Variants in PTPDC1 observed in about 807,000 individuals in gnomAD.
PTPDC1 encodes protein tyrosine phosphatase domain containing 1, also known as protein tyrosine phosphatase domain-containing protein 1.
Under a neutral mutation model 75.3 loss-of-function variants are expected in PTPDC1, and 53 were observed. The ratio of observed to expected loss-of-function variants is 0.70; its 90% CI spans 0.56 to 0.88. The LOEUF (loss-of-function observed/expected upper bound fraction) is 0.88. PTPDC1 is among the 40% of genes least tolerant of loss of function. PTPDC1 has a pLI of 0.00. For synonymous variants in PTPDC1, 349 were observed against 366.2 expected, an observed-to-expected ratio of 0.95 and a Z score of 0.54; for missense variants, 925 against 998.6, an observed-to-expected ratio of 0.93 and a Z score of 0.99.
At chr9:94,104,749 T>A (rs1166788468) in intron 8 of PTPDC1, among the ~76,000 whole-genome samples, 1 of 152,186 alleles carries the variant, frequency 6.6e-6, no homozygotes, top group East Asian at 1.9e-4. Flanking sequence ...TGGGTGTAAG[T>A]AAGAAGCCAT....
In PTPDC1 at chr9:94,088,185, G is replaced by A. The variant is rs771832996; in HGVS notation, c.538G>A (p.Glu180Lys). The change falls in exon 4 of 9, where the codon GAG becomes AAG. Residue 180 changes from glutamate (E) to lysine (K), a missense_variant. By Grantham distance (56) the Glu-to-Lys change is moderately conservative. Transcript: ENST00000620992. ...KTIINLQRPGEHASCGNPLEQ... is the reference protein window; with the variant it reads ...KTIINLQRPGKHASCGNPLEQ... The stretch of plus-strand genomic sequence containing the variant: ...AATAATCAACCTCCAGCGCCCTGGT[G>A]AGCATGCTAGCTGTGGGAACCCTCT... 1 of 1,613,952 alleles carries A rather than the reference G, an allele frequency of 6.2e-7. No homozygotes were observed. The highest frequency in any genetic ancestry group is 8.5e-7 in the Non-Finnish European group (1 of 1,179,968).
chr9:94,089,360 A>G (rs1445896536), intron 4 of PTPDC1, among the ~76,000 whole-genome samples: 3 of 149,862 alleles, frequency 2.0e-5, no homozygotes, highest in African/African-American at 7.4e-5. Context: ...TAGTTTACTG[A>G]GAATGATGAT....
At chr9:94,079,291 GT>G (rs998615806) in intron 2 of PTPDC1, among the ~76,000 whole-genome samples, 4 of 148,394 alleles carry the variant, frequency 2.7e-5, no homozygotes, top group East Asian at 2.0e-4. Flanking sequence ...GAAGACAGTG[GT>G]TTTTTTTTAG....
rs1211623081 is a variant in PTPDC1 at position 94,097,899 on chromosome 9, C to G, written c.1333C>G (p.Leu445Val). The G allele has an allele frequency of 6.2e-7, 1 of 1,614,084 alleles. No homozygotes were observed. The highest frequency in any genetic ancestry group is 1.3e-5 in the African/African-American group (1 of 74,908). Residue 445 changes from leucine (L) to valine (V), a missense_variant, in exon 6 of 9, where the codon CTC becomes GTC. Leu to Val is a conservative substitution (Grantham distance 32). Transcript: ENST00000620992. ...LQPLTHLKRR[L>V]SYSDSDLKRA... ...ACCCCTGACTCATCTGAAAAGGCGG[C>G]TCAGCTACAGTGACTCAGATTTAAA...
At chr9:94,045,512 C>T (rs1825568149) in intron 1 of PTPDC1, among the ~76,000 whole-genome samples, 1 of 152,038 alleles carries the variant, frequency 6.6e-6, no homozygotes, top group African/African-American at 2.4e-5. Context: ...CCTGTTGTTT[C>T]CTGACTTTTT....
intron 1 of PTPDC1, among the ~76,000 whole-genome samples, chr9:94,063,646 A>T (rs1826211272): frequency 6.6e-6 from 1 of 152,194 alleles, no homozygotes; most frequent in Admixed American, 6.5e-5. Context: ...TGAGCGTATA[A>T]AGATTGCTTT....
intron 1 of PTPDC1, among the ~76,000 whole-genome samples, chr9:94,048,956 G>A (rs1311826084): frequency 6.6e-6 from 1 of 152,164 alleles, no homozygotes; most frequent in Non-Finnish European, 1.5e-5. Flanking sequence ...TTACCATTAT[G>A]TAATGGCCTT....
At chr9:94,040,098 G>A (rs1825386423) in intron 1 of PTPDC1, among the ~76,000 whole-genome samples, 1 of 152,172 alleles carries the variant, frequency 6.6e-6, no homozygotes, top group Non-Finnish European at 1.5e-5. Flanking sequence ...TAGTTACAAA[G>A]TTACTTTCCT....
chr9:94,050,514 G>C (rs1229562460), intron 1 of PTPDC1, among the ~76,000 whole-genome samples: 1 of 152,214 alleles, frequency 6.6e-6, no homozygotes, highest in Non-Finnish European at 1.5e-5. Flanking sequence ...CAGCAGTGGA[G>C]GCTGCAGAAC....
chr9:94,101,806 C>T (rs901302414), intron 7 of PTPDC1, 55 bp downstream of exon 7: 22 of 934,694 alleles, frequency 2.4e-5, no homozygotes, highest in Middle Eastern at 2.7e-4. Context: ...TAGTTTTTCA[C>T]GCAGAAAAAA....
chr9:94,088,251 A>C lies in PTPDC1; in HGVS notation c.604A>C (p.Met202Leu), dbSNP rs377427630. 3.1e-6 allele frequency: 5 copies of C among 1,613,678 alleles called. No individual in the cohort carries two copies. The highest frequency in any genetic ancestry group is 1.7e-4 in the Middle Eastern group (1 of 6,050). The change falls in exon 4 of 9, where the codon ATG becomes CTG. Residue 202 changes from methionine (M) to leucine (L), a missense_variant. Transcript: ENST00000620992. Reference sequence around the variant, plus strand: ...CTTCACATACCTTCCTGAGGCTTTCATGGAGGCTGGCAGTAAGTTCCTCCC... The same window carrying C: ...CTTCACATACCTTCCTGAGGCTTTCCTGGAGGCTGGCAGTAAGTTCCTCCC... Reference protein sequence around the residue: ...SGFTYLPEAFMEAGIYFYNFG... With the variant: ...SGFTYLPEAFLEAGIYFYNFG...
chr9:94,053,412 T>C (rs1464194043), intron 1 of PTPDC1, among the ~76,000 whole-genome samples: 1 of 151,926 alleles, frequency 6.6e-6, no homozygotes, highest in Admixed American at 6.6e-5. Context: ...AATTCAGAGG[T>C]GAGGACATTT....
rs764156324 is a variant in PTPDC1, at chr9:94,107,972, C to A, written c.*28C>A. On this transcript the variant is annotated 3_prime_UTR_variant, in exon 9 of 9. Transcript: ENST00000620992. ...TTCACTCGTGGTGAATATTTCAGAC[C>A]TAAAGATCCAGATAGTATCTCTGTT... 4 of 1,357,960 alleles carry A rather than the reference C, an allele frequency of 2.9e-6. No homozygotes were observed. Among genetic ancestry groups the A allele is most frequent in the South Asian group, 1.3e-5 (1 of 74,398 alleles). The allele number at this position is 1,357,960 out of a possible 1,614,324, so 84.1% of individuals were successfully genotyped here.
At chr9:94,071,761 G>A (rs74428001) in intron 2 of PTPDC1, among the ~76,000 whole-genome samples, 2 of 152,038 alleles carry the variant, frequency 1.3e-5, no homozygotes, top group African/African-American at 4.8e-5. Context: ...CTTTAAATAA[G>A]CTTATTTATG....
At chr9:94,034,730 T>A (rs1266507849) in intron 1 of PTPDC1, among the ~76,000 whole-genome samples, 2 of 152,232 alleles carry the variant, frequency 1.3e-5, no homozygotes, top group African/African-American at 4.8e-5. Context: ...TTCTTAGAAA[T>A]CATTCTGTAT....
intron 2 of PTPDC1, among the ~76,000 whole-genome samples, chr9:94,078,200 T>G (rs966226830): frequency 3.9e-5 from 6 of 152,234 alleles, no homozygotes; most frequent in African/African-American, 1.2e-4. Context: ...ACGCTAAGTC[T>G]GCTAGCAACA....
chr9:94,052,865 C>G (rs57076436), intron 1 of PTPDC1, among the ~76,000 whole-genome samples: 7,666 of 152,012 alleles, frequency 0.05, 268 homozygotes, highest in East Asian at 0.15. Flanking sequence ...TGTTGAGCTT[C>G]GAAGTGTCTT....
At chr9:94,078,568 C>T (rs922540813) in intron 2 of PTPDC1, among the ~76,000 whole-genome samples, 2 of 152,100 alleles carry the variant, frequency 1.3e-5, no homozygotes, top group African/African-American at 4.8e-5. Context: ...TTTTTCTACT[C>T]CTCTCTCAAC....
intron 1 of PTPDC1, among the ~76,000 whole-genome samples, chr9:94,034,303 G>T (rs924052503): frequency 6.6e-6 from 1 of 152,116 alleles, no homozygotes; most frequent in African/African-American, 2.4e-5. Context: ...AGACTGAGAC[G>T]GGTGGATCAC....
Sources: gnomAD v4.1 joint callset for allele counts (sites outside exome capture counted in the v4.1 genomes callset) on GRCh38, gnomAD v4.1.1 for gene constraint, MANE v1.5 for transcripts, NCBI Gene and HGNC (gene_info 2026-07-23, HGNC 2026-07-21) for gene names.